Variants in COL7A1 observed in about 807,000 individuals in gnomAD.
COL7A1 encodes collagen type VII alpha 1 chain.
Under a neutral mutation model 456.2 loss-of-function variants are expected in COL7A1, and 296 were observed. The observed-to-expected ratio is 0.65, with a 90% CI of 0.59 to 0.71. The LOEUF is 0.71. Among genes scored for constraint, COL7A1 ranks in the 30% least tolerant of loss-of-function variants. The pLI is 0.00. For missense variants in COL7A1, 3,441 were observed against 4,017.2 expected, an observed-to-expected ratio of 0.86 and a Z score of 3.88; for synonymous variants, 1,464 against 1,525.9, an observed-to-expected ratio of 0.96 and a Z score of 0.95.
intron 71 of COL7A1, 107 bp downstream of exon 71, chr3:48,576,142 A>T: frequency 6.4e-7 from 1 of 1,551,132 alleles, no homozygotes; most frequent in South Asian, 1.1e-5. Context: ...GGCACTGAAC[A>T]CACAGCACAG....
rs923484662 is a variant in COL7A1 at position 48,564,670 on chromosome 3, G to A, written c.8818+113C>T. 1.2e-5 allele frequency: 15 copies of A among 1,262,072 alleles called. No homozygotes were observed. Among genetic ancestry groups the A allele is most frequent in the Non-Finnish European group, 1.2e-5 (11 of 909,284 alleles). The allele number at this position is 1,262,072 out of a possible 1,614,324, so 78.2% of individuals were successfully genotyped here. ...CTGCCCCAGGTCCCCTACTGCGAGG[G>A]AGCGTCTCCTCCAGGACCCTGACCT... On this transcript the variant is annotated intron_variant, in intron 118 of 118. Transcript: ENST00000681320. The surrounding 1 kb of genome is among the most constrained non-coding windows in gnomAD (Gnocchi z 6.0).
At chr3:48,577,116 G>T in intron 65 of COL7A1, 89 bp from the exon 66 acceptor site, 2 of 1,537,394 alleles carry the variant, frequency 1.3e-6, no homozygotes, top group Non-Finnish European at 1.8e-6. Flanking sequence ...GACTGTGACT[G>T]TATTTCTGTG....
Position 48,581,500 on chromosome 3 carries a change from G to C in COL7A1, c.4783-17C>G, listed in dbSNP as rs377175489. 6 of 1,614,026 alleles carry C rather than the reference G, an allele frequency of 3.7e-6. No homozygotes were observed. The highest frequency in any genetic ancestry group is 1.3e-5 in the African/African-American group (1 of 74,896). The stretch of plus-strand genomic sequence containing the variant: ...AATGGGACCCTGAAGGGGACAGAAG[G>C]GGGGCAGGACTTAGTCAGGGTCCCA... On this transcript the variant is annotated splice_polypyrimidine_tract_variant and intron_variant, in intron 50 of 118. Coordinates refer to ENST00000681320, the MANE Select transcript of COL7A1 (RefSeq NM_000094.4). The surrounding 1 kb of genome is among the most constrained non-coding windows in gnomAD (Gnocchi z 5.8).
Position 48,572,949 on chromosome 3 carries a change from G to C in COL7A1, c.6751-7C>G. 1 of 1,614,010 alleles carries C rather than the reference G, an allele frequency of 6.2e-7. No individual in the cohort carries two copies. The highest frequency in any genetic ancestry group is 8.5e-7 in the Non-Finnish European group (1 of 1,180,016). ...CCGGCTTCCCTGTCTCCCCCTGAGA[G>C]GGAAGAGCTCTGTCAGGGCTGCCTG... On this transcript the variant is annotated splice_region_variant and splice_polypyrimidine_tract_variant and intron_variant, in intron 86 of 118. Transcript: ENST00000681320. The surrounding 1 kb of genome is among the most constrained non-coding windows in gnomAD (Gnocchi z 4.6).
rs35562294 is a variant in COL7A1 at position 48,574,217 on chromosome 3, C to T, written c.6501+45G>A. On this transcript the variant is annotated intron_variant, in intron 80 of 118. Transcript: ENST00000681320. This position sits in a 1 kb window ranked among gnomAD's most constrained non-coding sequence, Gnocchi z 5.0. Reference sequence around the variant, plus strand: ...CACACACAGCAGCAGCAGCACCTAGCGGAGGGTCCGGAGCCTGGGGCCAGG... The same window carrying T: ...CACACACAGCAGCAGCAGCACCTAGTGGAGGGTCCGGAGCCTGGGGCCAGG... The T allele has an allele frequency of 0.033, 53,859 of 1,611,742 alleles. 1,199 individuals carry two copies. The highest frequency in any genetic ancestry group is 0.092 in the East Asian group (4,141 of 44,854).
Position 48,566,430 on chromosome 3 carries a change from G to T in COL7A1, c.8358+80C>A. 1.9e-6 allele frequency: 3 copies of T among 1,609,456 alleles called. No individual in the cohort carries two copies. The highest frequency in any genetic ancestry group is 2.5e-6 in the Non-Finnish European group (3 of 1,176,552). On this transcript the variant is annotated intron_variant, in intron 113 of 118. Coordinates refer to ENST00000681320, the MANE Select transcript of COL7A1 (RefSeq NM_000094.4). This position sits in a 1 kb window ranked among gnomAD's most constrained non-coding sequence, Gnocchi z 5.9. ...CATGGAGCCAGGGCCCAGGGGTCAG[G>T]GTGCTGGGTGAGGGAGGTAGGGCCC...
rs2045388033 is a variant in COL7A1, at chr3:48,587,863, C to T, written c.2787G>A (p.Gln929=). 2 of 1,613,032 alleles carry T rather than the reference C, an allele frequency of 1.2e-6. No individual in the cohort carries two copies. The highest frequency in any genetic ancestry group is 1.7e-6 in the Non-Finnish European group (2 of 1,179,786). The change falls in exon 22 of 119, where the codon CAG becomes CAA. Residue 929 remains glutamine (Q), a synonymous_variant. Transcript: ENST00000681320. This position sits in a 1 kb window ranked among gnomAD's most constrained non-coding sequence, Gnocchi z 6.1. ...CTAGGACACTCAGCCTCACGCGGTA[C>T]TGTGTCGCTGGCTCCAGCCCGTCCA... ...YHLDGLEPAT[Q]YRVRLSVLGP...
In COL7A1 at chr3:48,584,373, G is replaced by C. The variant is rs2045052923; in HGVS notation, c.4122C>G (p.Gly1374=). The C allele has an allele frequency of 6.2e-7, 1 of 1,613,718 alleles. No individual in the cohort carries two copies. The highest frequency in any genetic ancestry group is 8.5e-7 in the Non-Finnish European group (1 of 1,179,784). Residue 1374 remains glycine (G), a splice_region_variant and synonymous_variant, in exon 37 of 119, where the codon GGC becomes GGG. Transcript: ENST00000681320. The part of the protein sequence containing the change: ...PGRKGDPGPS[G]PPGPRGPLGD... ...CCAGTGGTCCACGAGGTCCAGGGGG[G>C]CCCTGATGGAGGAGACAAAGTATAA... is the stretch of plus-strand genomic sequence containing the variant.
At position 48,564,822 on chromosome 3, in the gene COL7A1, G is replaced by C; in HGVS notation, c.8779C>G (p.Arg2927Gly). The change falls in exon 118 of 119, where the codon CGC becomes GGC. Residue 2927 changes from arginine (R) to glycine (G), a missense_variant. Transcript: ENST00000681320. This position sits in a 1 kb window ranked among gnomAD's most constrained non-coding sequence, Gnocchi z 6.0. Reference sequence around the variant, plus strand: ...TGGACCACCCGGGGTGGGCAGCGGCGCTCGCAGGCCTCACGGGTCCCAAAA... The same window carrying C: ...TGGACCACCCGGGGTGGGCAGCGGCCCTCGCAGGCCTCACGGGTCCCAAAA... ...NRFGTREACERRCPPRVVQSQ... is the reference protein window; with the variant it reads ...NRFGTREACEGRCPPRVVQSQ... The C allele has an allele frequency of 1.2e-6, 2 of 1,614,026 alleles. No individual in the cohort carries two copies. The highest frequency in any genetic ancestry group is 1.7e-6 in the Non-Finnish European group (2 of 1,179,996).
Position 48,569,806 on chromosome 3 carries a change from C to T in COL7A1, c.7522-46G>A, listed in dbSNP as rs769176544. The stretch of plus-strand genomic sequence containing the variant: ...AGTCCCGCCCAAACTGGGGAGGCCC[C>T]GCACCTGAATTCTAATATCATACAA... On this transcript the variant is annotated intron_variant, in intron 100 of 118. Coordinates refer to ENST00000681320, the MANE Select transcript of COL7A1 (RefSeq NM_000094.4). The surrounding 1 kb of genome is among the most constrained non-coding windows in gnomAD (Gnocchi z 4.9). The T allele has an allele frequency of 1.9e-5, 31 of 1,614,024 alleles. No homozygotes were observed. Among genetic ancestry groups the T allele is most frequent in the South Asian group, 3.3e-5 (3 of 91,092 alleles).
rs761683808 is a variant in COL7A1 at position 48,593,230 on chromosome 3, C to T, written c.554G>A (p.Arg185Gln). The T allele has an allele frequency of 4.3e-6, 7 of 1,614,018 alleles. No individual in the cohort carries two copies. The South Asian group carries it at 7.7e-5, about 18-fold the overall frequency. Residue 185 changes from arginine (R) to glutamine (Q), a missense_variant, in exon 6 of 119, where the codon CGA becomes CAA. Physicochemically the swap from Arg to Gln is conservative, Grantham distance 43 (BLOSUM62 1). Transcript: ENST00000681320. The surrounding 1 kb of genome is among the most constrained non-coding windows in gnomAD (Gnocchi z 4.4). ...GTCACTGGTGGGCTGTGAGGCAACTCGCTTCAGCTCCTCAGGGTCAGCATT... is the reference window on the plus strand; with the variant it reads ...GTCACTGGTGGGCTGTGAGGCAACTTGCTTCAGCTCCTCAGGGTCAGCATT... ...IKNADPEELK[R>Q]VASQPTSDFF...
At chr3:48,589,258 A>C in intron 18 of COL7A1, 69 bp downstream of exon 18, 1 of 1,603,998 alleles carries the variant, frequency 6.2e-7, no homozygotes, top group African/African-American at 1.3e-5. Flanking sequence ...GCAGCTGGGC[A>C]ATCAGGAACA....
chr3:48,587,112 T>C lies in COL7A1; in HGVS notation c.3140-4A>G, dbSNP rs201656230. On this transcript the variant is annotated splice_polypyrimidine_tract_variant and splice_region_variant and intron_variant, in intron 24 of 118. Transcript: ENST00000681320. This position sits in a 1 kb window ranked among gnomAD's most constrained non-coding sequence, Gnocchi z 6.1. The stretch of plus-strand genomic sequence containing the variant: ...TCCGCCAGGCCACGGGGGCACACTG[T>C]AGGAAGGGGAACAAGTTACTGAAGC... 5.0e-6 allele frequency: 8 copies of C among 1,612,878 alleles called. No homozygotes were observed. In the East Asian group the frequency reaches 1.3e-4, roughly 27 times the overall value.
In COL7A1 at chr3:48,588,820, G is replaced by A; in HGVS notation, c.2441-32C>T. Reference sequence around the variant, plus strand: ...AGGTGGGCATACAGCAATGGTTAGGGGTGAGCAGTCCCAGCCAGGAAGGAC... The same window carrying A: ...AGGTGGGCATACAGCAATGGTTAGGAGTGAGCAGTCCCAGCCAGGAAGGAC... On this transcript the variant is annotated intron_variant, in intron 19 of 118. Transcript: ENST00000681320. The surrounding 1 kb of genome is among the most constrained non-coding windows in gnomAD (Gnocchi z 4.6). 1 of 1,613,626 alleles carries A rather than the reference G, an allele frequency of 6.2e-7. No homozygotes were observed. Among genetic ancestry groups the A allele is most frequent in the East Asian group, 2.2e-5 (1 of 44,888 alleles).
Position 48,570,146 on chromosome 3 carries a change from G to A in COL7A1, c.7473C>T (p.Pro2491=), listed in dbSNP as rs1484220256. 1 of 1,614,192 alleles carries A rather than the reference G, an allele frequency of 6.2e-7. No homozygotes were observed. The highest frequency in any genetic ancestry group is 1.3e-5 in the African/African-American group (1 of 75,054). Residue 2491 remains proline (P), a synonymous_variant, in exon 99 of 119, where the codon CCC becomes CCT. Transcript: ENST00000681320. The surrounding 1 kb of genome is among the most constrained non-coding windows in gnomAD (Gnocchi z 5.5). The stretch of plus-strand genomic sequence containing the variant: ...CAGCGGGACCCACCGTGAGTCCTCG[G>A]GGTCCCTCCTGGCCGGGGCGGCCAT... ...GEDGRPGQEG[P]RGLTGPPGSR... is the part of the protein sequence containing the mutation.
Position 48,571,979 on chromosome 3 carries a change from C to T in COL7A1, c.7068+22G>A, listed in dbSNP as rs1363406455. 1 of 1,610,388 alleles carries T rather than the reference C, an allele frequency of 6.2e-7. No homozygotes were observed. Among genetic ancestry groups the T allele is most frequent in the South Asian group, 1.1e-5 (1 of 90,442 alleles). ...TCACACTCCTCAGGCCAGGCTCGCC[C>T]TTGCCTAGGCCCCGGACTCACATCT... On this transcript the variant is annotated intron_variant, in intron 92 of 118. Transcript: ENST00000681320. The surrounding 1 kb of genome is among the most constrained non-coding windows in gnomAD (Gnocchi z 4.6).
In COL7A1 at chr3:48,593,584, C is replaced by T. The variant is rs745345945; in HGVS notation, c.379G>A (p.Ala127Thr). 6.2e-7 allele frequency: 1 copy of T among 1,614,210 alleles called. No individual in the cohort carries two copies. The highest frequency in any genetic ancestry group is 8.5e-7 in the Non-Finnish European group (1 of 1,180,030). Residue 127 changes from alanine (A) to threonine (T), a missense_variant, in exon 4 of 119, where the codon GCT (alanine) becomes ACT (threonine). This residue lies in a region of COL7A1 where 913 missense variants were observed against 1,088.2 expected (regional missense o/e 0.84). Coordinates refer to ENST00000681320, the MANE Select transcript of COL7A1 (RefSeq NM_000094.4). The surrounding 1 kb of genome is among the most constrained non-coding windows in gnomAD (Gnocchi z 4.4). ...AGCTGGGGCAGGAAGACATGGTCAG[C>T]CACATGGAGAATTGCAGCCCCTGTG... ...TRTGAAILHV[A>T]DHVFLPQLAR...
rs1422622927 is a variant in COL7A1, at chr3:48,586,551, T to C, written c.3403+12A>G. 4.3e-6 allele frequency: 7 copies of C among 1,613,666 alleles called. No individual in the cohort carries two copies. The highest frequency in any genetic ancestry group is 1.3e-5 in the African/African-American group (1 of 74,936). ...GATAGCCCCAGGAGTCCATGCCTGC[T>C]GCAGTCCTCACCCAGGTTGTTCCCA... On this transcript the variant is annotated intron_variant, in intron 26 of 118. Coordinates refer to ENST00000681320, the MANE Select transcript of COL7A1 (RefSeq NM_000094.4). This position sits in a 1 kb window ranked among gnomAD's most constrained non-coding sequence, Gnocchi z 5.1.
At position 48,585,539 on chromosome 3, in the gene COL7A1, G is replaced by T. The variant is rs200998167; in HGVS notation, c.3894+18C>A. 6.2e-7 allele frequency: 1 copy of T among 1,613,364 alleles called. No individual in the cohort carries two copies. The highest frequency in any genetic ancestry group is 1.3e-5 in the African/African-American group (1 of 74,902). ...TTGAGGAGTGCCTCAGAGAAACCTC[G>T]ATGGTCTCCACACTCACCCTCTCGC... On this transcript the variant is annotated intron_variant, in intron 32 of 118. Coordinates refer to ENST00000681320, the MANE Select transcript of COL7A1 (RefSeq NM_000094.4). This position sits in a 1 kb window ranked among gnomAD's most constrained non-coding sequence, Gnocchi z 4.5.
Sources: allele counts gnomAD v4.1 joint callset, GRCh38; gene constraint gnomAD v4.1.1; regional missense constraint gnomAD v4.1.1; non-coding constraint Gnocchi (gnomAD v3.1); transcripts MANE v1.5; gene names NCBI Gene and HGNC (gene_info 2026-07-23, HGNC 2026-07-21).